NRXN3: variants seen among roughly 807,000 people sequenced by gnomAD.
NRXN3 encodes the protein neurexin 3.
NRXN3 carries 32 observed loss-of-function variants against 137.6 expected under a neutral mutation model. That is an observed-to-expected ratio of 0.23 (90% CI 0.18 to 0.31). NRXN3 has a LOEUF of 0.31. NRXN3 is among the 10% of genes least tolerant of loss of function. The pLI is 1.00. For synonymous variants in NRXN3, 798 were observed against 784.5 expected, an observed-to-expected ratio of 1.02 and a Z score of -0.29; for missense variants, 1,574 against 2,062.5, an observed-to-expected ratio of 0.76 and a Z score of 4.59.
chr14:79,735,164 T>G (rs1356370934), intron 19 of NRXN3, among the ~76,000 whole-genome samples: 1 of 152,208 alleles, frequency 6.6e-6, no homozygotes, highest in Non-Finnish European at 1.5e-5. Flanking sequence ...TCCACCCTGT[T>G]ATACGGCATT....
chr14:79,020,134 C>T (rs924278156), intron 15 of NRXN3, among the ~76,000 whole-genome samples: 1,342 of 12,390 alleles, frequency 0.11, 41 homozygotes, highest in African/African-American at 0.36. Context: ...TTTCCCTTCC[C>T]TTCCCTTCCC....
At chr14:79,377,981 C>T (rs2094354268) in intron 15 of NRXN3, among the ~76,000 whole-genome samples, 1 of 152,096 alleles carries the variant, frequency 6.6e-6, no homozygotes, top group African/African-American at 2.4e-5. Context: ...ACAAGTTGTC[C>T]TTGAGTGGGT....
At chr14:79,118,152 A>AG (rs894291274) in intron 15 of NRXN3, among the ~76,000 whole-genome samples, 8 of 146,226 alleles carry the variant, frequency 5.5e-5, no homozygotes, top group Admixed American at 3.4e-4. Flanking sequence ...CACATACATG[A>AG]GGGAAAAAAA....
At chr14:79,535,950 C>G (rs1445880164) in intron 16 of NRXN3, among the ~76,000 whole-genome samples, 1 of 152,118 alleles carries the variant, frequency 6.6e-6, no homozygotes, top group Non-Finnish European at 1.5e-5. Context: ...ATCGAGAGCC[C>G]AGTGGGATTA....
rs370772509 is a variant in NRXN3 at position 78,531,111 on chromosome 14, T to C, written c.758-114009T>C. 8.5e-5 allele frequency among the ~76,000 whole-genome samples: 13 copies of C among 152,326 alleles called. No homozygotes were observed. The East Asian group carries it at 9.7e-4, about 11-fold the overall frequency. On this transcript the variant is annotated intron_variant, in intron 4 of 20. Coordinates refer to ENST00000335750, the MANE Select transcript of NRXN3 (RefSeq NM_001330195.2). ...TGTCTCTTTCTTTTTGCCCCTTTTA[T>C]GGCCATTACACACAAATCTGAGCTG...
chr14:79,232,662 G>T (rs1206923973), intron 15 of NRXN3, among the ~76,000 whole-genome samples: 4 of 152,062 alleles, frequency 2.6e-5, no homozygotes, highest in Admixed American at 6.6e-5. Context: ...CTTTCAGTTA[G>T]GGTGACAGAT....
chr14:79,784,612 TGC>T (rs1250328918), intron 19 of NRXN3, among the ~76,000 whole-genome samples: 13 of 140,654 alleles, frequency 9.2e-5, no homozygotes, highest in Non-Finnish European at 1.4e-4. Context: ...TTTGTTGTGT[TGC>T]TTTTTTTTTT....
At chr14:79,666,468 T>C (rs1304781074) in intron 17 of NRXN3, among the ~76,000 whole-genome samples, 1 of 152,218 alleles carries the variant, frequency 6.6e-6, no homozygotes, top group Non-Finnish European at 1.5e-5. Context: ...GAAGATGAAA[T>C]ACCCTATCAA....
chr14:79,636,788 G>A (rs997788220), intron 16 of NRXN3, among the ~76,000 whole-genome samples: 11 of 152,198 alleles, frequency 7.2e-5, no homozygotes, highest in African/African-American at 2.7e-4. Flanking sequence ...ATGGGGGGAT[G>A]CAGCAAGACC....
intron 15 of NRXN3, among the ~76,000 whole-genome samples, chr14:79,378,570 T>G (rs2094374588): frequency 1.3e-5 from 2 of 152,204 alleles, no homozygotes; most frequent in Admixed American, 6.5e-5. Context: ...GTGCTTTATA[T>G]GGAGCTCTAT....
chr14:78,213,896 A>G (rs1343819815), intron 1 of NRXN3, among the ~76,000 whole-genome samples: 1 of 152,168 alleles, frequency 6.6e-6, no homozygotes, highest in Non-Finnish European at 1.5e-5. Flanking sequence ...ATTCGCCAGA[A>G]ACTCAGTGTC....
chr14:78,869,294 G>A (rs2099095540), intron 10 of NRXN3, among the ~76,000 whole-genome samples: 1 of 152,076 alleles, frequency 6.6e-6, no homozygotes, highest in Non-Finnish European at 1.5e-5. Flanking sequence ...CACTGATCTA[G>A]GGTGAGCTCT....
rs117613461 is a variant in NRXN3, at chr14:78,174,165, T to A, written c.-704+3491T>A. On this transcript the variant is annotated intron_variant, in intron 1 of 20. Transcript: ENST00000335750. ...TGACCAAATAAGCACCCAGTGATAA[T>A]GATCCAATTTAACCATCCATGAAAT... is the stretch of plus-strand genomic sequence containing the variant. Among the ~76,000 whole-genome samples, 194 of 152,270 alleles carry A rather than the reference T, an allele frequency of 1.3e-3. 1 individual carries two copies. The East Asian group carries it at 0.03, about 23-fold the overall frequency.
At chr14:79,050,510 T>C (rs1364930194) in intron 15 of NRXN3, among the ~76,000 whole-genome samples, 1 of 152,180 alleles carries the variant, frequency 6.6e-6, no homozygotes, top group Non-Finnish European at 1.5e-5. Flanking sequence ...AACACATGGA[T>C]CTACAGGGAG....
At chr14:78,885,951 T>A (rs2099142438) in intron 10 of NRXN3, among the ~76,000 whole-genome samples, 1 of 152,032 alleles carries the variant, frequency 6.6e-6, no homozygotes, top group Non-Finnish European at 1.5e-5. Flanking sequence ...TCATAGAGGA[T>A]CCAAGGTGAC....
chr14:79,090,314 T>A (rs1157600278), intron 15 of NRXN3, among the ~76,000 whole-genome samples: 4 of 152,150 alleles, frequency 2.6e-5, no homozygotes, highest in Non-Finnish European at 5.9e-5. Context: ...TAGCATTAGA[T>A]GAAAATTCCT....
intron 4 of NRXN3, among the ~76,000 whole-genome samples, chr14:78,338,211 A>G (rs180786594): frequency 2.0e-5 from 3 of 152,270 alleles, no homozygotes; most frequent in Admixed American, 6.5e-5. Context: ...AAGCAACACC[A>G]TCTGACATGG....
intron 3 of NRXN3, chr14:78,283,444 C>T (rs1182534108): frequency 6.6e-6 from 1 of 151,764 alleles, no homozygotes; most frequent in Admixed American, 6.6e-5. Flanking sequence ...TTTCCATGCT[C>T]GTAAAGTTCT....
chr14:78,831,868 T>A (rs982451801), intron 10 of NRXN3, among the ~76,000 whole-genome samples: 2 of 152,276 alleles, frequency 1.3e-5, no homozygotes, highest in African/African-American at 2.4e-5. Context: ...TCTACCTCCA[T>A]TGACCTTGAA....
Sources: allele counts gnomAD v4.1 joint callset (sites outside exome capture counted in the v4.1 genomes callset), GRCh38; gene constraint gnomAD v4.1.1; transcripts MANE v1.5; gene names NCBI Gene and HGNC (gene_info 2026-07-23, HGNC 2026-07-21).